RAB28: variants seen among roughly 807,000 people sequenced by gnomAD.
The protein encoded by RAB28 is ras-related protein Rab-28.
In RAB28, 24 loss-of-function variants were observed where a neutral mutation model predicts 31.7. The ratio of observed to expected loss-of-function variants is 0.76; its 90% CI spans 0.55 to 1.06. The LOEUF (loss-of-function observed/expected upper bound fraction) is 1.06, where lower values mean the gene tolerates loss of function less well. Among genes scored for constraint, RAB28 ranks in the 50% least tolerant of loss-of-function variants. RAB28 has a pLI of 0.00. For synonymous variants in RAB28, 100 were observed against 90.4 expected (o/e 1.11, Z -0.60); for missense variants, 254 against 258.5 (o/e 0.98, Z 0.12).
intron 4 of RAB28, among the ~76,000 whole-genome samples, chr4:13,455,807 C>T (rs968180787): frequency 1.3e-5 from 2 of 152,182 alleles, no homozygotes; most frequent in Non-Finnish European, 1.5e-5. Flanking sequence ...ACCTTTTCCC[C>T]ACAAGGGGAA....
At chr4:13,481,872 T>A (rs562700661) in intron 1 of RAB28, among the ~76,000 whole-genome samples, 47 of 151,946 alleles carry the variant, frequency 3.1e-4, no homozygotes, top group South Asian at 6.2e-4. Context: ...AGGATACAAG[T>A]AAGAATGAAA....
intron 4 of RAB28, among the ~76,000 whole-genome samples, chr4:13,438,873 C>T (rs772050921): frequency 1.4e-4 from 21 of 152,268 alleles, no homozygotes; most frequent in Middle Eastern, 6.8e-3. Context: ...TTGTTTTCCA[C>T]GGCAGCTGCA....
chr4:13,368,212 G>A lies in RAB28; in HGVS notation c.*346C>T. On this transcript the variant is annotated 3_prime_UTR_variant, in exon 7 of 7. Coordinates refer to ENST00000330852, the MANE Select transcript of RAB28 (RefSeq NM_001017979.3). Reference sequence around the variant, plus strand: ...TTGCTGTGGCAAAATCCTGGCTGATGATCAAGACTTGGAGAGTTTTCATAT... The same window carrying A: ...TTGCTGTGGCAAAATCCTGGCTGATAATCAAGACTTGGAGAGTTTTCATAT... 3 of 995,498 alleles carry A rather than the reference G, an allele frequency of 3.0e-6. No homozygotes were observed. The highest frequency in any genetic ancestry group is 3.6e-6 in the Non-Finnish European group (3 of 836,812). 61.7% of individuals were successfully genotyped at this position (995,498 alleles called of 1,614,324 possible).
intron 6 of RAB28, chr4:13,371,674 T>C: frequency 2.0e-6 from 3 of 1,487,358 alleles, no homozygotes; most frequent in Non-Finnish European, 2.7e-6. Flanking sequence ...TCACTTTCTA[T>C]GATTAGAAAA....
chr4:13,459,673 A>C (rs1212739013), intron 4 of RAB28: 1 of 803,706 alleles, frequency 1.2e-6, no homozygotes, highest in Non-Finnish European at 1.5e-6. Context: ...TCCCTAGTAC[A>C]CTCTTTCTCA....
chr4:13,390,471 A>G (rs1729577181), intron 4 of RAB28, among the ~76,000 whole-genome samples: 1 of 152,092 alleles, frequency 6.6e-6, no homozygotes, highest in Non-Finnish European at 1.5e-5. Context: ...AATCAATATC[A>G]TGAAAAACGG....
At chr4:13,433,858 G>C (rs977280428) in intron 4 of RAB28, among the ~76,000 whole-genome samples, 1 of 151,966 alleles carries the variant, frequency 6.6e-6, no homozygotes, top group Non-Finnish European at 1.5e-5. Flanking sequence ...ATATATATAT[G>C]CTCATATGCT....
At chr4:13,402,553 CTTTTG>C (rs1560278405) in intron 4 of RAB28, among the ~76,000 whole-genome samples, 3 of 152,126 alleles carry the variant, frequency 2.0e-5, no homozygotes, top group African/African-American at 7.2e-5. Context: ...CTTCAACTTT[CTTTTG>C]ATTAGTCTTT....
intron 4 of RAB28, among the ~76,000 whole-genome samples, chr4:13,435,582 G>C (rs1240851577): frequency 6.6e-6 from 1 of 152,094 alleles, no homozygotes; most frequent in Non-Finnish European, 1.5e-5. Context: ...GATCCCCAAA[G>C]ACTACTGCAA....
At chr4:13,379,017 C>T (rs1016699951) in intron 5 of RAB28, among the ~76,000 whole-genome samples, 4 of 151,264 alleles carry the variant, frequency 2.6e-5, no homozygotes, top group East Asian at 3.9e-4. Flanking sequence ...ATCAGCCTGG[C>T]CAAGATGGTG....
intron 4 of RAB28, among the ~76,000 whole-genome samples, chr4:13,417,588 G>C (rs1053663390): frequency 1.3e-5 from 2 of 152,196 alleles, no homozygotes; most frequent in African/African-American, 4.8e-5. Flanking sequence ...GCCTCCGCTG[G>C]TGATATCCAA....
At chr4:13,401,806 T>C (rs1711780448) in intron 4 of RAB28, among the ~76,000 whole-genome samples, 1 of 152,228 alleles carries the variant, frequency 6.6e-6, no homozygotes, top group Non-Finnish European at 1.5e-5. Flanking sequence ...TTTACTTTTT[T>C]CTTTTTCTGC....
intron 1 of RAB28, among the ~76,000 whole-genome samples, chr4:13,482,897 AG>A (rs1249919956): frequency 6.6e-6 from 1 of 152,230 alleles, no homozygotes; most frequent in African/African-American, 2.4e-5. Flanking sequence ...GCCAACTGTC[AG>A]GGAGGATGCA....
chr4:13,388,502 A>G (rs1577163015), intron 4 of RAB28, among the ~76,000 whole-genome samples: 2 of 152,084 alleles, frequency 1.3e-5, no homozygotes, highest in African/African-American at 4.8e-5. Context: ...GAGAAACAAA[A>G]GAAATAACAG....
At chr4:13,441,687 A>G (rs1306880517) in intron 4 of RAB28, among the ~76,000 whole-genome samples, 1 of 152,250 alleles carries the variant, frequency 6.6e-6, no homozygotes. Flanking sequence ...ATGGATGGCT[A>G]AATGAATGAA....
At chr4:13,417,798 A>C (rs1288123081) in intron 4 of RAB28, among the ~76,000 whole-genome samples, 1 of 152,238 alleles carries the variant, frequency 6.6e-6, no homozygotes, top group African/African-American at 2.4e-5. Flanking sequence ...GGGAGAAACC[A>C]GAGGAGAAAA....
At chr4:13,415,508 G>A (rs535172140) in intron 4 of RAB28, among the ~76,000 whole-genome samples, 43 of 152,274 alleles carry the variant, frequency 2.8e-4, no homozygotes, top group African/African-American at 8.9e-4. Flanking sequence ...CAGCCCTGCC[G>A]GCCCGGGCAA....
At chr4:13,450,948 G>C (rs1714938691) in intron 4 of RAB28, among the ~76,000 whole-genome samples, 2 of 152,008 alleles carry the variant, frequency 1.3e-5, no homozygotes, top group South Asian at 2.1e-4. Flanking sequence ...TAGTAGGTAA[G>C]AGCTCAATCC....
At chr4:13,391,394 G>C (rs1298562961) in intron 4 of RAB28, among the ~76,000 whole-genome samples, 2 of 152,174 alleles carry the variant, frequency 1.3e-5, no homozygotes, top group Non-Finnish European at 1.5e-5. Flanking sequence ...TCATTAAAAA[G>C]TCAGGAAACA....
Sources: allele counts gnomAD v4.1 joint callset (sites outside exome capture counted in the v4.1 genomes callset), GRCh38; gene constraint gnomAD v4.1.1; transcripts MANE v1.5; gene names NCBI Gene and HGNC (gene_info 2026-07-23, HGNC 2026-07-21).